The following EXOC4 variants were observed in gnomAD, a reference collection of about 807,000 sequenced individuals.
EXOC4 encodes SEC8-like 1.
Under a neutral mutation model 107.2 loss-of-function variants are expected in EXOC4, and 71 were observed. That is an observed-to-expected ratio of 0.66 (90% CI 0.55 to 0.81). The LOEUF is 0.81. EXOC4 is among the 30% of genes least tolerant of loss of function. The pLI is 0.00. For missense variants in EXOC4, 1,108 were observed against 1,189.6 expected (o/e 0.93, Z 1.01); for synonymous variants, 456 against 441.2 (o/e 1.03, Z -0.42).
intron 12 of EXOC4, among the ~76,000 whole-genome samples, chr7:133,900,880 T>C (rs185835967): frequency 6.6e-6 from 1 of 152,294 alleles, no homozygotes; most frequent in East Asian, 1.9e-4. Context: ...TAATGTTATT[T>C]ATTTATTTAG....
chr7:133,278,569 C>T (rs1794052785), intron 2 of EXOC4, among the ~76,000 whole-genome samples: 2 of 151,986 alleles, frequency 1.3e-5, no homozygotes, highest in African/African-American at 2.4e-5. Flanking sequence ...GCCCAGATCC[C>T]AAGTCAGGGG....
intron 7 of EXOC4, among the ~76,000 whole-genome samples, chr7:133,381,354 G>C (rs1047816671): frequency 1.3e-5 from 2 of 152,094 alleles, no homozygotes; most frequent in African/African-American, 4.8e-5. Context: ...AAGAGTAGTA[G>C]ATGTAATATG....
At chr7:134,029,495 G>T (rs1392201808) in intron 17 of EXOC4, among the ~76,000 whole-genome samples, 3 of 152,060 alleles carry the variant, frequency 2.0e-5, no homozygotes, top group African/African-American at 7.2e-5. Flanking sequence ...TCTATTGATT[G>T]ATTGATTGAT....
Position 133,578,917 on chromosome 7 carries a change from C to T in EXOC4, c.1418-51128C>T, listed in dbSNP as rs142711215. On this transcript the variant is annotated intron_variant, in intron 9 of 17. Transcript: ENST00000253861. Reference sequence around the variant, plus strand: ...AGGGCAAAATGACTTTGCAGTGCCACGACTGCTCTGCCCCTATCTGAGAAA... The same window carrying T: ...AGGGCAAAATGACTTTGCAGTGCCATGACTGCTCTGCCCCTATCTGAGAAA... Among the ~76,000 whole-genome samples, 732 of 152,242 alleles carry T rather than the reference C, an allele frequency of 4.8e-3. 3 individuals carry two copies. Among genetic ancestry groups the T allele is most frequent in the Middle Eastern group, 0.017 (5 of 294 alleles).
In EXOC4 at chr7:133,525,835, A is replaced by G. The variant is rs116818710; in HGVS notation, c.1417+45697A>G. ...AGTTGTCTGTAATCATAGTTGAAGG[A>G]AATGCTAAATTTCAGTAGAGGTTAG... On this transcript the variant is annotated intron_variant, in intron 9 of 17. Coordinates refer to ENST00000253861, the MANE Select transcript of EXOC4 (RefSeq NM_021807.4). Among the ~76,000 whole-genome samples, 1,248 of 152,260 alleles carry G rather than the reference A, an allele frequency of 8.2e-3. 17 individuals are homozygous for G. Among genetic ancestry groups the G allele is most frequent in the African/African-American group, 0.028 (1,164 of 41,534 alleles).
intron 10 of EXOC4, among the ~76,000 whole-genome samples, chr7:133,800,755 G>C (rs1474405978): frequency 6.6e-6 from 1 of 152,190 alleles, no homozygotes; most frequent in Non-Finnish European, 1.5e-5. Context: ...TTGACGTCTA[G>C]TCATAACTTC....
intron 11 of EXOC4, among the ~76,000 whole-genome samples, chr7:133,823,182 C>T (rs1193058731): frequency 3.3e-5 from 5 of 152,152 alleles, no homozygotes; most frequent in Non-Finnish European, 7.3e-5. Context: ...TCCTCTCTGC[C>T]CCAGTATTTG....
chr7:133,933,247 C>G (rs1449104542), intron 13 of EXOC4, among the ~76,000 whole-genome samples: 1 of 152,052 alleles, frequency 6.6e-6, no homozygotes, highest in Non-Finnish European at 1.5e-5. Context: ...TAAATGAATT[C>G]TTGTCAGATA....
At chr7:133,848,371 A>G (rs1196438861) in intron 11 of EXOC4, among the ~76,000 whole-genome samples, 1 of 152,188 alleles carries the variant, frequency 6.6e-6, no homozygotes, top group Non-Finnish European at 1.5e-5. Flanking sequence ...CTCCCATCTA[A>G]GTGTTCCCAT....
intron 10 of EXOC4, among the ~76,000 whole-genome samples, chr7:133,787,956 TATA>T (rs1339670605): frequency 3.0e-4 from 15 of 50,568 alleles, no homozygotes; most frequent in African/African-American, 1.0e-3. Context: ...TGCATATATT[TATA>T]TATTTATATA....
chr7:133,343,236 C>A (rs781371284), intron 5 of EXOC4, among the ~76,000 whole-genome samples: 1 of 152,078 alleles, frequency 6.6e-6, no homozygotes, highest in Non-Finnish European at 1.5e-5. Flanking sequence ...GGTGCTCTCC[C>A]CATTCCCCTA....
intron 5 of EXOC4, among the ~76,000 whole-genome samples, chr7:133,327,643 G>A (rs183107476): frequency 2.1e-4 from 32 of 152,196 alleles, no homozygotes; most frequent in African/African-American, 7.0e-4. Context: ...TTGTGTCTTT[G>A]TTCTCATTGG....
chr7:133,659,784 A>G (rs1260609368), intron 10 of EXOC4, among the ~76,000 whole-genome samples: 1 of 152,210 alleles, frequency 6.6e-6, no homozygotes, highest in Non-Finnish European at 1.5e-5. Context: ...AAAGGCTAAC[A>G]GTCACTTTCC....
intron 10 of EXOC4, among the ~76,000 whole-genome samples, chr7:133,677,824 G>C (rs1321460303): frequency 6.6e-6 from 1 of 151,868 alleles, no homozygotes; most frequent in Non-Finnish European, 1.5e-5. Context: ...AGTTGTAACT[G>C]AGGGATTTTT....
the EXOC4 span, among the ~76,000 whole-genome samples, chr7:134,089,075 C>T: frequency 4.6e-5 from 7 of 152,092 alleles, no homozygotes; most frequent in Admixed American, 4.6e-4. Flanking sequence ...AGATTATAAG[C>T]AGGTTTTTGC....
intron 7 of EXOC4, among the ~76,000 whole-genome samples, chr7:133,417,753 G>T (rs1029866617): frequency 6.6e-6 from 1 of 151,938 alleles, no homozygotes; most frequent in African/African-American, 2.4e-5. Context: ...AGTCACCATG[G>T]TTTTTTTACC....
intron 7 of EXOC4, among the ~76,000 whole-genome samples, chr7:133,450,842 T>A (rs1798327807): frequency 6.6e-6 from 1 of 152,250 alleles, no homozygotes; most frequent in Non-Finnish European, 1.5e-5. Context: ...AAGATGATTC[T>A]CTTTGTCAGA....
chr7:134,027,875 A>C (rs368616375), intron 17 of EXOC4, among the ~76,000 whole-genome samples: 1 of 152,128 alleles, frequency 6.6e-6, no homozygotes, highest in African/African-American at 2.4e-5. Flanking sequence ...ATCAGGCTGG[A>C]GACTTGCTCT....
chr7:133,915,083 C>G, intron 12 of EXOC4, among the ~76,000 whole-genome samples: 1 of 152,060 alleles, frequency 6.6e-6, no homozygotes, highest in Non-Finnish European at 1.5e-5. Context: ...TTTCAAAAAG[C>G]AGTAGATGGG....
Sources: allele counts gnomAD v4.1 joint callset (sites outside exome capture counted in the v4.1 genomes callset), GRCh38; gene constraint gnomAD v4.1.1; transcripts MANE v1.5; gene names NCBI Gene and HGNC (gene_info 2026-07-23, HGNC 2026-07-21).